The following SCLT1 variants were observed in gnomAD, a reference collection of about 807,000 sequenced individuals.
SCLT1 encodes the protein sodium channel and clathrin linker 1.
In SCLT1, 78 loss-of-function variants were observed where a neutral mutation model predicts 112.8. The observed-to-expected ratio is 0.69, with a 90% confidence interval of 0.58 to 0.83. The LOEUF (loss-of-function observed/expected upper bound fraction) is 0.83. Among genes scored for constraint, SCLT1 ranks in the 40% least tolerant of loss-of-function variants. SCLT1 has a pLI of 0.00. For missense variants in SCLT1, 747 were observed against 770.4 expected, an observed-to-expected ratio of 0.97 and a Z score of 0.36; for synonymous variants, 257 against 254.7, an observed-to-expected ratio of 1.01 and a Z score of -0.09.
At position 128,972,748 on chromosome 4, in the gene SCLT1, T is replaced by C. The variant is rs148609727; in HGVS notation, c.687-2280A>G. Among the ~76,000 whole-genome samples, 249 of 152,358 alleles carry C rather than the reference T, an allele frequency of 1.6e-3. 2 individuals carry two copies. Among genetic ancestry groups the C allele is most frequent in the East Asian group, 0.014 (71 of 5,186 alleles). On this transcript the variant is annotated intron_variant, in intron 9 of 20. Transcript: ENST00000281142. The stretch of plus-strand genomic sequence containing the variant: ...AGCTTCATTATCACTCATAAGACTA[T>C]TCCAGTAGATTCCAAACTCATCTCT...
At chr4:128,898,642 A>C (rs1375889165) in intron 18 of SCLT1, among the ~76,000 whole-genome samples, 4 of 152,216 alleles carry the variant, frequency 2.6e-5, no homozygotes, top group Non-Finnish European at 5.9e-5. Flanking sequence ...ACACATTCAA[A>C]AGCTAGCAGA....
chr4:129,075,662 G>C (rs1177626695), intron 2 of SCLT1, among the ~76,000 whole-genome samples: 10 of 152,112 alleles, frequency 6.6e-5, no homozygotes, highest in African/African-American at 2.2e-4. Flanking sequence ...CATGTAACTA[G>C]TGGCTACAAT....
chr4:128,874,394 T>C (rs1239276257), intron 5 of SCLT1: 2 of 152,588 alleles, frequency 1.3e-5, no homozygotes, highest in Admixed American at 1.3e-4. Context: ...ATGCTAGTTT[T>C]GTGCAAAAAT....
intron 9 of SCLT1, among the ~76,000 whole-genome samples, chr4:128,979,226 C>T (rs1741439213): frequency 6.6e-6 from 1 of 152,152 alleles, no homozygotes; most frequent in South Asian, 2.1e-4. Context: ...CAGTAAATGG[C>T]TGTTTTAGTC....
chr4:128,939,130 TATG>T (rs1330389954), intron 17 of SCLT1, among the ~76,000 whole-genome samples: 2 of 152,214 alleles, frequency 1.3e-5, no homozygotes, highest in Non-Finnish European at 2.9e-5. Context: ...TAAGACCCTT[TATG>T]ATAACCTGGT....
intron 9 of SCLT1, among the ~76,000 whole-genome samples, chr4:128,976,233 C>T (rs546866316): frequency 4.6e-5 from 7 of 152,160 alleles, no homozygotes; most frequent in African/African-American, 7.2e-5. Context: ...TCATTCAGGA[C>T]GTCTGCAAGC....
Position 129,031,380 on chromosome 4 carries a change from C to T in SCLT1, c.290+7661G>A, listed in dbSNP as rs116334373. Among the ~76,000 whole-genome samples the T allele has an allele frequency of 8.0e-3, 1,220 of 152,176 alleles. 15 individuals are homozygous for T. The highest frequency in any genetic ancestry group is 0.028 in the African/African-American group (1,162 of 41,534). On this transcript the variant is annotated intron_variant, in intron 5 of 20. Coordinates refer to ENST00000281142, the MANE Select transcript of SCLT1 (RefSeq NM_144643.4). ...ATACTGAATGGGCAAAAGCTGAAAGCGTTCCCTTAGAAAACTGGCACATTA... is the reference window on the plus strand; with the variant it reads ...ATACTGAATGGGCAAAAGCTGAAAGTGTTCCCTTAGAAAACTGGCACATTA...
chr4:128,938,745 G>A (rs186003397), intron 17 of SCLT1, among the ~76,000 whole-genome samples: 279 of 152,290 alleles, frequency 1.8e-3, no homozygotes, highest in Middle Eastern at 0.01. Context: ...ATTTTGGGAA[G>A]CTGAGGCAGG....
chr4:129,057,924 G>A (rs769458828), intron 2 of SCLT1, among the ~76,000 whole-genome samples: 1 of 151,810 alleles, frequency 6.6e-6, no homozygotes, highest in Non-Finnish European at 1.5e-5. Flanking sequence ...GCTAATTTTT[G>A]TATTTTTAGT....
chr4:129,087,708 T>G (rs532075092), intron 1 of SCLT1, among the ~76,000 whole-genome samples: 1 of 141,218 alleles, frequency 7.1e-6, no homozygotes, highest in East Asian at 2.0e-4. Context: ...GAGCTACTAG[T>G]GTACCATTAA....
In SCLT1 at chr4:128,887,436, A is replaced by C. The variant is rs902508831; in HGVS notation, c.2004+1243T>G. Among the ~76,000 whole-genome samples, 4 of 152,184 alleles carry C rather than the reference A, an allele frequency of 2.6e-5. No individual in the cohort carries two copies. The South Asian group carries it at 6.2e-4, about 24-fold the overall frequency. ...AAATCTGTAAATATCATGAACATAAACTGAATTCAGCAAGCAGAGTGGCTT... is the reference window on the plus strand; with the variant it reads ...AAATCTGTAAATATCATGAACATAACCTGAATTCAGCAAGCAGAGTGGCTT... On this transcript the variant is annotated intron_variant, in intron 20 of 20. Transcript: ENST00000281142.
At chr4:128,909,735 C>T (rs1207036139) in intron 18 of SCLT1, among the ~76,000 whole-genome samples, 1 of 152,128 alleles carries the variant, frequency 6.6e-6, no homozygotes, top group African/African-American at 2.4e-5. Context: ...AATATGTAGA[C>T]TAGGAATATG....
At chr4:128,875,284 A>G (rs1346802437) in intron 4 of SCLT1, 3 of 152,674 alleles carry the variant, frequency 2.0e-5, no homozygotes, top group African/African-American at 7.2e-5. Context: ...ATGACTTAGC[A>G]GTCCTGAATC....
At chr4:128,897,883 A>ACT (rs1733915947) in intron 18 of SCLT1, among the ~76,000 whole-genome samples, 1 of 152,186 alleles carries the variant, frequency 6.6e-6, no homozygotes. Context: ...CTAGTCTCTG[A>ACT]TAAAACAGAC....
rs140755071 is a variant in SCLT1, at chr4:129,084,062, C to A, written c.35-1689G>T. 5.0e-3 allele frequency among the ~76,000 whole-genome samples: 766 copies of A among 152,202 alleles called. 9 individuals are homozygous for A. Among genetic ancestry groups the A allele is most frequent in the African/African-American group, 0.017 (699 of 41,536 alleles). On this transcript the variant is annotated intron_variant, in intron 1 of 20. Coordinates refer to ENST00000281142, the MANE Select transcript of SCLT1 (RefSeq NM_144643.4). ...ACACTGTTATTATAATGAATGCTTACGTAAAATACACAACAAACATCATAC... is the reference window on the plus strand; with the variant it reads ...ACACTGTTATTATAATGAATGCTTAAGTAAAATACACAACAAACATCATAC...
At chr4:128,981,999 T>A (rs1741698533) in intron 9 of SCLT1, among the ~76,000 whole-genome samples, 1 of 151,656 alleles carries the variant, frequency 6.6e-6, no homozygotes, top group South Asian at 2.1e-4. Flanking sequence ...ATTTAGAGGT[T>A]ACTACTGCAG....
At chr4:129,028,117 A>G (rs1214864467) in intron 5 of SCLT1, among the ~76,000 whole-genome samples, 4 of 152,248 alleles carry the variant, frequency 2.6e-5, no homozygotes, top group Admixed American at 2.6e-4. Flanking sequence ...TAATTTATAG[A>G]TTGAATGCCA....
intron 18 of SCLT1, among the ~76,000 whole-genome samples, chr4:128,913,926 T>G (rs1361068298): frequency 1.3e-5 from 2 of 152,162 alleles, no homozygotes; most frequent in Non-Finnish European, 2.9e-5. Context: ...GTATGAGTCT[T>G]TGCTGGATAA....
At chr4:128,948,660 A>G in intron 14 of SCLT1, 90 bp from the exon 15 acceptor site, 2 of 902,626 alleles carry the variant, frequency 2.2e-6, no homozygotes, top group Non-Finnish European at 3.5e-6. Flanking sequence ...TAATGGGAAT[A>G]TCATAGTTAT....
Sources: allele counts gnomAD v4.1 joint callset (sites outside exome capture counted in the v4.1 genomes callset), GRCh38; gene constraint gnomAD v4.1.1; transcripts MANE v1.5; gene names NCBI Gene and HGNC (gene_info 2026-07-23, HGNC 2026-07-21).